EPHA5: variants seen among roughly 807,000 people sequenced by gnomAD.
The protein encoded by EPHA5 is EPH receptor A5.
In EPHA5, 60 loss-of-function variants were observed where a neutral mutation model predicts 105.0. That is an observed-to-expected ratio of 0.57 (90% CI 0.46 to 0.71). The LOEUF (loss-of-function observed/expected upper bound fraction) is 0.71, where lower values mean the gene tolerates loss of function less well. EPHA5 is among the 30% of genes least tolerant of loss of function. EPHA5 has a pLI of 0.00. For synonymous variants in EPHA5, 513 were observed against 449.1 expected (o/e 1.14, Z -1.80); for missense variants, 1,218 against 1,274.7 (o/e 0.96, Z 0.68).
In EPHA5 at chr4:65,629,684, C is replaced by A. The variant is rs530313376; in HGVS notation, c.246+13679G>T. ...TAAGAGACACTAATTGAGATGTGTC[C>A]CAGATAGTTTTTTGATACTTTTTTT... is the stretch of plus-strand genomic sequence containing the variant. On this transcript the variant is annotated intron_variant, in intron 2 of 16. Coordinates refer to ENST00000613740, the MANE Select transcript of EPHA5 (RefSeq NM_001281766.3). 1.3e-4 allele frequency among the ~76,000 whole-genome samples: 19 copies of A among 151,968 alleles called. 1 individual carries two copies. The South Asian group carries it at 3.9e-3, about 32-fold the overall frequency.
intron 11 of EPHA5, among the ~76,000 whole-genome samples, chr4:65,354,710 A>T (rs1406031180): frequency 6.6e-6 from 1 of 151,744 alleles, no homozygotes; most frequent in Non-Finnish European, 1.5e-5. Context: ...TACACATATC[A>T]TATTATCCAG....
chr4:65,389,680 G>C (rs556057443), intron 8 of EPHA5, among the ~76,000 whole-genome samples: 3 of 152,076 alleles, frequency 2.0e-5, no homozygotes, highest in Non-Finnish European at 4.4e-5. Context: ...AAAAATCAAG[G>C]GGAATAGGCA....
At chr4:65,429,997 A>T (rs1724823101) in intron 5 of EPHA5, among the ~76,000 whole-genome samples, 1 of 152,094 alleles carries the variant, frequency 6.6e-6, no homozygotes, top group South Asian at 2.1e-4. Context: ...TAGTGATTGC[A>T]GCTGGTCAAC....
At chr4:65,364,365 T>G (rs796191370) in intron 11 of EPHA5, among the ~76,000 whole-genome samples, 7 of 151,756 alleles carry the variant, frequency 4.6e-5, no homozygotes, top group African/African-American at 1.7e-4. Flanking sequence ...CATTACTTGT[T>G]GACTGAAAAT....
At chr4:65,641,901 A>G (rs1183124430) in intron 2 of EPHA5, among the ~76,000 whole-genome samples, 2 of 152,122 alleles carry the variant, frequency 1.3e-5, no homozygotes, top group Non-Finnish European at 2.9e-5. Flanking sequence ...CTCCCAATAC[A>G]GAAGGATTAT....
chr4:65,411,067 G>A (rs535526505), intron 7 of EPHA5, among the ~76,000 whole-genome samples: 48 of 152,106 alleles, frequency 3.2e-4, no homozygotes, highest in Non-Finnish European at 6.3e-4. Context: ...TATCACTGCT[G>A]TTGAGAATGG....
intron 1 of EPHA5, among the ~76,000 whole-genome samples, chr4:65,660,746 G>T (rs1749488584): frequency 6.6e-6 from 1 of 152,024 alleles, no homozygotes; most frequent in South Asian, 2.1e-4. Context: ...CTACCCCACA[G>T]CAGGCATAAT....
chr4:65,350,610 G>A (rs1038920542), intron 13 of EPHA5, among the ~76,000 whole-genome samples: 3 of 151,958 alleles, frequency 2.0e-5, no homozygotes, highest in Non-Finnish European at 4.4e-5. Context: ...TTTATCATAA[G>A]GAATTCAAAC....
At position 65,656,738 on chromosome 4, in the gene EPHA5, C is replaced by G. The variant is rs951811849; in HGVS notation, c.181+12824G>C. Among the ~76,000 whole-genome samples, 158 of 151,084 alleles carry G rather than the reference C, an allele frequency of 1.0e-3. 1 individual carries two copies. Among genetic ancestry groups the G allele is most frequent in the African/African-American group, 3.5e-3 (144 of 41,330 alleles). On this transcript the variant is annotated intron_variant, in intron 1 of 16. Coordinates refer to ENST00000613740, the MANE Select transcript of EPHA5 (RefSeq NM_001281766.3). ...CAGGTTATTTTACCACCTCAGTCAC[C>G]TAGGTAGCTGGGACTACAGGTGCAC...
chr4:65,578,318 TA>T (rs35294586), intron 3 of EPHA5, among the ~76,000 whole-genome samples: 3 of 152,002 alleles, frequency 2.0e-5, no homozygotes, highest in African/African-American at 4.8e-5. Flanking sequence ...AGTTTTATGC[TA>T]AAAAAAATGA....
intron 5 of EPHA5, among the ~76,000 whole-genome samples, chr4:65,442,043 C>G (rs1217780270): frequency 6.6e-6 from 1 of 151,976 alleles, no homozygotes; most frequent in Non-Finnish European, 1.5e-5. Flanking sequence ...TATACATAAA[C>G]AGGCTATGTA....
chr4:65,553,447 G>A (rs1738113017), intron 3 of EPHA5, among the ~76,000 whole-genome samples: 2 of 151,542 alleles, frequency 1.3e-5, no homozygotes, highest in East Asian at 3.9e-4. Context: ...CTCAATAATT[G>A]CATTTCAAGT....
At chr4:65,396,718 G>T (rs1450964946) in intron 8 of EPHA5, among the ~76,000 whole-genome samples, 1 of 152,174 alleles carries the variant, frequency 6.6e-6, no homozygotes, top group African/African-American at 2.4e-5. Context: ...TCCTGGAAAG[G>T]CAAAGAGGGG....
chr4:65,614,885 AAAAG>A (rs1355939905), intron 2 of EPHA5, among the ~76,000 whole-genome samples: 2 of 151,872 alleles, frequency 1.3e-5, no homozygotes, highest in Admixed American at 6.6e-5. Flanking sequence ...GTAATGATCA[AAAAG>A]AAAGTACTAA....
At chr4:65,615,936 T>A (rs866200657) in intron 2 of EPHA5, among the ~76,000 whole-genome samples, 5 of 151,882 alleles carry the variant, frequency 3.3e-5, no homozygotes, top group Admixed American at 3.3e-4. Context: ...CTCTTCAACA[T>A]CTATACCTGG....
At chr4:65,564,164 C>G (rs186852492) in intron 3 of EPHA5, among the ~76,000 whole-genome samples, 185 of 151,922 alleles carry the variant, frequency 1.2e-3, no homozygotes, top group Admixed American at 2.4e-3. Context: ...ACAAATAACT[C>G]AAGATAATCA....
chr4:65,357,948 A>G (rs1013452856), intron 11 of EPHA5, among the ~76,000 whole-genome samples: 4 of 151,442 alleles, frequency 2.6e-5, no homozygotes, highest in African/African-American at 7.3e-5. Context: ...TGGTAATACA[A>G]TCCTTTGCCA....
chr4:65,479,060 C>A (rs2149182163), intron 5 of EPHA5, among the ~76,000 whole-genome samples: 1 of 152,170 alleles, frequency 6.6e-6, no homozygotes, highest in Admixed American at 6.6e-5. Flanking sequence ...AAGTCTAAAA[C>A]CTATTTTTTC....
Position 65,420,530 on chromosome 4 carries a change from T to A in EPHA5, c.1438A>T (p.Ile480Phe), listed in dbSNP as rs2149037203. 1 of 1,613,178 alleles carries A rather than the reference T, an allele frequency of 6.2e-7. No individual in the cohort carries two copies. Among genetic ancestry groups the A allele is most frequent in the South Asian group, 1.1e-5 (1 of 91,010 alleles). The change falls in exon 6 of 17, where the codon ATT becomes TTT. Residue 480 changes from isoleucine (I) to phenylalanine (F), a missense_variant. By Grantham distance (21) the Ile-to-Phe change is conservative. Around this residue, in one of 3 missense-constraint regions of EPHA5, gnomAD observed 971 missense variants for 1,013.5 expected, o/e 0.96. Coordinates refer to ENST00000613740, the MANE Select transcript of EPHA5 (RefSeq NM_001281766.3). Reference sequence around the variant, plus strand: ...GACAAAGAGATGCTGTTTTTTGCAATTTTCCCTTTTTTCACATTGGTGACT... The same window carrying A: ...GACAAAGAGATGCTGTTTTTTGCAAATTTCCCTTTTTTCACATTGGTGACT... ...SPVTNVKKGK[I>F]AKNSISLSWQ...
Sources: gnomAD v4.1 joint callset for allele counts (sites outside exome capture counted in the v4.1 genomes callset) on GRCh38, gnomAD v4.1.1 for gene constraint, gnomAD v4.1.1 regional missense constraint, MANE v1.5 for transcripts, NCBI Gene and HGNC (gene_info 2026-07-23, HGNC 2026-07-21) for gene names.